The following CSMD1 variants were observed in gnomAD, a reference collection of about 807,000 sequenced individuals.
CSMD1 encodes the protein CUB and Sushi multiple domains 1, also known as CUB and sushi domain-containing protein 1.
In CSMD1, 213 loss-of-function variants were observed where a neutral mutation model predicts 417.5. The observed-to-expected ratio is 0.51, with a 90% CI of 0.46 to 0.57. The LOEUF is 0.57. Among genes scored for constraint, CSMD1 ranks in the 20% least tolerant of loss-of-function variants. The probability of loss-of-function intolerance (pLI) is 0.00; values close to 1 mark genes in which losing one functional copy is unlikely to be tolerated. For synonymous variants in CSMD1, 2,862 were observed against 1,736.8 expected, an observed-to-expected ratio of 1.65 and a Z score of -16.11; for missense variants, 6,923 against 4,529.7, an observed-to-expected ratio of 1.53 and a Z score of -15.17.
intron 25 of CSMD1, among the ~76,000 whole-genome samples, chr8:3,291,053 A>C (rs1179848078): frequency 6.6e-6 from 1 of 152,094 alleles, no homozygotes; most frequent in Non-Finnish European, 1.5e-5. Context: ...GAATTTTGTC[A>C]AAGGCCTTTT....
intron 12 of CSMD1, among the ~76,000 whole-genome samples, chr8:3,448,417 A>AGGGAGGGAGGGAGAGAGGGAGGGAAG (rs1374620505): frequency 1.0e-5 from 1 of 96,990 alleles, no homozygotes; most frequent in Non-Finnish European, 2.2e-5. Flanking sequence ...GAAGGAAGGA[A>AGGGAGGGAGGGAGAGAGGGAGGGAAG]GGGAAGGAAG....
At chr8:3,770,281 A>ACCGCATC (rs1798497885) in intron 5 of CSMD1, among the ~76,000 whole-genome samples, 1 of 151,810 alleles carries the variant, frequency 6.6e-6, no homozygotes, top group Non-Finnish European at 1.5e-5. Context: ...TAATCCCAAC[A>ACCGCATC]CTTTGGGAGG....
rs75642589 is a variant in CSMD1 at position 3,312,417 on chromosome 8, C to A, written c.3632-3914G>T. Among the ~76,000 whole-genome samples, 582 of 152,258 alleles carry A rather than the reference C, an allele frequency of 3.8e-3. 2 individuals carry two copies. Among genetic ancestry groups the A allele is most frequent in the Middle Eastern group, 0.027 (8 of 294 alleles). On this transcript the variant is annotated intron_variant, in intron 23 of 69. Coordinates refer to ENST00000635120, the MANE Select transcript of CSMD1 (RefSeq NM_033225.6). Reference sequence around the variant, plus strand: ...TTGTAAAAAGCTCTATAACTTAAAGCCTCTAGGCTTGTGTGATGTCTTTTT... The same window carrying A: ...TTGTAAAAAGCTCTATAACTTAAAGACTCTAGGCTTGTGTGATGTCTTTTT...
intron 1 of CSMD1, among the ~76,000 whole-genome samples, chr8:4,727,657 GACCAGCTCT>G (rs1809545878): frequency 6.6e-6 from 1 of 151,930 alleles, no homozygotes; most frequent in Non-Finnish European, 1.5e-5. Flanking sequence ...AATCCACGGG[GACCAGCTCT>G]ACTAGTCACC....
chr8:4,942,920 G>C (rs1051721429), intron 1 of CSMD1, among the ~76,000 whole-genome samples: 2 of 152,190 alleles, frequency 1.3e-5, no homozygotes, highest in African/African-American at 4.8e-5. Flanking sequence ...ACAATGGTTT[G>C]GATTAGGTTA....
chr8:4,585,901 A>G (rs1799676166), intron 2 of CSMD1, among the ~76,000 whole-genome samples: 1 of 152,264 alleles, frequency 6.6e-6, no homozygotes, highest in Non-Finnish European at 1.5e-5. Flanking sequence ...TACAAAATGT[A>G]AGCTGATGGG....
At chr8:3,623,908 C>G (rs375199460) in intron 7 of CSMD1, among the ~76,000 whole-genome samples, 1 of 151,808 alleles carries the variant, frequency 6.6e-6, no homozygotes, top group African/African-American at 2.4e-5. Flanking sequence ...ACCCGGGAGG[C>G]GGAGTTTGCA....
At chr8:3,463,719 T>G (rs1337840420) in intron 12 of CSMD1, among the ~76,000 whole-genome samples, 2 of 152,172 alleles carry the variant, frequency 1.3e-5, no homozygotes, top group Non-Finnish European at 2.9e-5. Flanking sequence ...GAGACTGGGC[T>G]GGGTAACTCA....
At chr8:4,256,185 T>C (rs773410736) in intron 3 of CSMD1, among the ~76,000 whole-genome samples, 29 of 152,200 alleles carry the variant, frequency 1.9e-4, no homozygotes, top group Non-Finnish European at 3.8e-4. Flanking sequence ...TTCCACTTCA[T>C]TTGTTTGTGA....
chr8:3,571,036 T>C (rs1369052715), intron 10 of CSMD1, among the ~76,000 whole-genome samples: 3 of 152,218 alleles, frequency 2.0e-5, no homozygotes, highest in Non-Finnish European at 4.4e-5. Flanking sequence ...ATTTGGAAAG[T>C]GGAAACTGTG....
intron 3 of CSMD1, among the ~76,000 whole-genome samples, chr8:4,164,880 GAAA>G (rs35866569): frequency 3.7e-5 from 4 of 107,882 alleles, no homozygotes; most frequent in Non-Finnish European, 3.9e-5. Flanking sequence ...CCATCTCAAA[GAAA>G]AAAAAAAATA....
chr8:3,403,748 G>C (rs926739223), intron 15 of CSMD1, among the ~76,000 whole-genome samples: 1 of 152,096 alleles, frequency 6.6e-6, no homozygotes, highest in Admixed American at 6.6e-5. Flanking sequence ...GCTAGAATAC[G>C]ATTTGCACCT....
intron 3 of CSMD1, among the ~76,000 whole-genome samples, chr8:4,299,719 C>G (rs1158469236): frequency 1.3e-5 from 2 of 152,116 alleles, no homozygotes; most frequent in African/African-American, 2.4e-5. Flanking sequence ...CAACCCCTGA[C>G]TCCCCATTTC....
chr8:4,062,811 T>C (rs1203961158), intron 3 of CSMD1, among the ~76,000 whole-genome samples: 1 of 151,912 alleles, frequency 6.6e-6, no homozygotes. Flanking sequence ...GCATCACGGA[T>C]GTCTGACTTT....
Position 4,067,054 on chromosome 8 carries a change from A to C in CSMD1, c.416-34955T>G, listed in dbSNP as rs1585240897. On this transcript the variant is annotated intron_variant, in intron 3 of 69. Transcript: ENST00000635120. The stretch of plus-strand genomic sequence containing the variant: ...TGTATGATGAAAATCAAGTGTTGCC[A>C]CATGGCGAAGACTGAAATTCAGACA... Among the ~76,000 whole-genome samples the C allele has an allele frequency of 3.3e-5, 5 of 152,380 alleles. No homozygotes were observed. In the South Asian group the frequency reaches 1.0e-3, roughly 32 times the overall value.
chr8:4,930,603 A>G (rs1200187636), intron 1 of CSMD1, among the ~76,000 whole-genome samples: 1 of 152,192 alleles, frequency 6.6e-6, no homozygotes, highest in Non-Finnish European at 1.5e-5. Flanking sequence ...ATAGAACACA[A>G]TTACATTTAT....
At chr8:2,943,581 A>C (rs1802032249) in intron 68 of CSMD1, among the ~76,000 whole-genome samples, 1 of 152,240 alleles carries the variant, frequency 6.6e-6, no homozygotes, top group Non-Finnish European at 1.5e-5. Flanking sequence ...TACTTCAAGT[A>C]TCATGAAGGT....
intron 10 of CSMD1, among the ~76,000 whole-genome samples, chr8:3,565,533 G>C (rs562918736): frequency 6.6e-6 from 1 of 152,210 alleles, no homozygotes; most frequent in Non-Finnish European, 1.5e-5. Flanking sequence ...ATACAACATA[G>C]GTTTCTATGT....
At chr8:3,411,689 T>C (rs1485054838) in intron 12 of CSMD1, among the ~76,000 whole-genome samples, 2 of 135,214 alleles carry the variant, frequency 1.5e-5, no homozygotes, top group Non-Finnish European at 3.3e-5. Context: ...TACGTGTATA[T>C]ATACACACGT....
Sources: gnomAD v4.1 joint callset for allele counts (sites outside exome capture counted in the v4.1 genomes callset) on GRCh38, gnomAD v4.1.1 for gene constraint, MANE v1.5 for transcripts, NCBI Gene and HGNC (gene_info 2026-07-23, HGNC 2026-07-21) for gene names.